The following XKR4 variants were observed in gnomAD, a reference collection of about 807,000 sequenced individuals.
XKR4 encodes XK related 4.
In XKR4, 12 loss-of-function variants were observed where a neutral mutation model predicts 53.9. The observed-to-expected ratio is 0.22, with a 90% CI of 0.14 to 0.36. XKR4 has a LOEUF of 0.36. Ranked by LOEUF, XKR4 falls within the 10% of genes least tolerant of loss-of-function variation. The pLI, the probability that XKR4 is intolerant of heterozygous loss-of-function variation, is 1.00. For synonymous variants in XKR4, 354 were observed against 362.4 expected, an observed-to-expected ratio of 0.98 and a Z score of 0.26; for missense variants, 799 against 859.5, an observed-to-expected ratio of 0.93 and a Z score of 0.88.
chr8:55,229,377 A>C (rs1817999727), intron 1 of XKR4, among the ~76,000 whole-genome samples: 1 of 152,230 alleles, frequency 6.6e-6, no homozygotes, highest in Non-Finnish European at 1.5e-5. Flanking sequence ...CACATCCCTC[A>C]GCTGGCGCTC....
chr8:55,237,426 C>T (rs1818149907), intron 1 of XKR4, among the ~76,000 whole-genome samples: 2 of 152,132 alleles, frequency 1.3e-5, no homozygotes, highest in African/African-American at 2.4e-5. Flanking sequence ...GATAATGTTA[C>T]TAAGAAAATC....
At chr8:55,295,244 AG>A (rs1344621190) in intron 1 of XKR4, among the ~76,000 whole-genome samples, 3 of 152,212 alleles carry the variant, frequency 2.0e-5, no homozygotes, top group Non-Finnish European at 4.4e-5. Flanking sequence ...CTGTGACAGA[AG>A]GTAGTAATGA....
rs534667066 is a variant in XKR4, at chr8:55,350,012, A to C, written c.807-7666A>C. 1.6e-3 allele frequency among the ~76,000 whole-genome samples: 240 copies of C among 151,824 alleles called. 1 individual carries two copies. The highest frequency in any genetic ancestry group is 2.9e-3 in the Non-Finnish European group (194 of 67,882). Reference sequence around the variant, plus strand: ...ATGTCCTAAATTTTATTCTGTGTGTACACACACACACATACACACACACAC... The same window carrying C: ...ATGTCCTAAATTTTATTCTGTGTGTCCACACACACACATACACACACACAC... On this transcript the variant is annotated intron_variant, in intron 1 of 2. Coordinates refer to ENST00000327381, the MANE Select transcript of XKR4 (RefSeq NM_052898.2).
intron 1 of XKR4, among the ~76,000 whole-genome samples, chr8:55,295,764 T>C (rs899636442): frequency 1.2e-4 from 18 of 152,212 alleles, no homozygotes; most frequent in Admixed American, 7.2e-4. Flanking sequence ...ATAAAATTGC[T>C]CAATAGAGCA....
chr8:55,140,530 C>A (rs1816688635), intron 1 of XKR4, among the ~76,000 whole-genome samples: 2 of 152,212 alleles, frequency 1.3e-5, no homozygotes, highest in African/African-American at 4.8e-5. Flanking sequence ...CTTACCAACA[C>A]CATGATGCAG....
chr8:55,385,466 A>G (rs550283841), intron 2 of XKR4, among the ~76,000 whole-genome samples: 2 of 152,330 alleles, frequency 1.3e-5, no homozygotes, highest in Admixed American at 6.5e-5. Context: ...CCGCTAAGCC[A>G]TATGCTTCTG....
intron 1 of XKR4, among the ~76,000 whole-genome samples, chr8:55,279,250 G>A (rs997651362): frequency 1.3e-5 from 2 of 152,144 alleles, no homozygotes; most frequent in Admixed American, 6.5e-5. Flanking sequence ...AGTGTTAACC[G>A]TGAGTGTGTT....
chr8:55,193,237 G>C (rs963246873), intron 1 of XKR4, among the ~76,000 whole-genome samples: 3 of 151,972 alleles, frequency 2.0e-5, no homozygotes, highest in Non-Finnish European at 4.4e-5. Flanking sequence ...CTTCGTGCTT[G>C]CATGAGGATT....
chr8:55,505,574 A>G (rs1179156803), intron 2 of XKR4, among the ~76,000 whole-genome samples: 2 of 152,212 alleles, frequency 1.3e-5, no homozygotes, highest in South Asian at 2.1e-4. Flanking sequence ...TTTTTAAAAA[A>G]TAAAAATAAA....
intron 1 of XKR4, among the ~76,000 whole-genome samples, chr8:55,216,463 C>T (rs1817799844): frequency 6.6e-6 from 1 of 152,168 alleles, no homozygotes; most frequent in South Asian, 2.1e-4. Flanking sequence ...CATGGTGGCT[C>T]ACGCCTGTAA....
chr8:55,329,581 C>A (rs1803353455), intron 1 of XKR4, among the ~76,000 whole-genome samples: 1 of 152,124 alleles, frequency 6.6e-6, no homozygotes, highest in African/African-American at 2.4e-5. Context: ...TCACATTTGA[C>A]ATGTCTTAAC....
intron 1 of XKR4, among the ~76,000 whole-genome samples, chr8:55,192,069 T>C (rs1317859825): frequency 1.3e-5 from 2 of 151,842 alleles, no homozygotes; most frequent in East Asian, 3.9e-4. Context: ...AATTTACAAC[T>C]AATGAATTTA....
At chr8:55,104,533 C>T (rs560333718) in intron 1 of XKR4, among the ~76,000 whole-genome samples, 1 of 152,146 alleles carries the variant, frequency 6.6e-6, no homozygotes. Context: ...GGACTAGAAC[C>T]ACAAACTTCT....
intron 1 of XKR4, among the ~76,000 whole-genome samples, chr8:55,198,995 A>G (rs926490146): frequency 6.6e-6 from 1 of 152,222 alleles, no homozygotes; most frequent in African/African-American, 2.4e-5. Flanking sequence ...CAATTTTTTA[A>G]AAGATTCAGC....
intron 1 of XKR4, among the ~76,000 whole-genome samples, chr8:55,154,231 T>C (rs1704305389): frequency 6.6e-6 from 1 of 152,218 alleles, no homozygotes; most frequent in Admixed American, 6.5e-5. Context: ...GATGCTTTTA[T>C]TGTAATCCTT....
At chr8:55,112,530 C>T (rs142178033) in intron 1 of XKR4, among the ~76,000 whole-genome samples, 1 of 131,404 alleles carries the variant, frequency 7.6e-6, no homozygotes, top group East Asian at 2.5e-4. Context: ...GAATAAAGAT[C>T]TCAGTCTGGG....
chr8:55,506,938 T>G (rs1322332536), intron 2 of XKR4, among the ~76,000 whole-genome samples: 2 of 152,252 alleles, frequency 1.3e-5, no homozygotes, highest in African/African-American at 4.8e-5. Flanking sequence ...TCATTAAATT[T>G]TTTTTTCACT....
chr8:55,511,568 T>G (rs561965093), intron 2 of XKR4, among the ~76,000 whole-genome samples: 1 of 152,316 alleles, frequency 6.6e-6, no homozygotes, highest in African/African-American at 2.4e-5. Flanking sequence ...TGTACACAAT[T>G]CAGGAAAATC....
At chr8:55,409,475 G>T (rs1430996630) in intron 2 of XKR4, among the ~76,000 whole-genome samples, 1 of 152,196 alleles carries the variant, frequency 6.6e-6, no homozygotes, top group African/African-American at 2.4e-5. Flanking sequence ...TTCAGTGGCA[G>T]CTTGTTGTAA....
Sources: gnomAD v4.1 joint callset for allele counts (sites outside exome capture counted in the v4.1 genomes callset) on GRCh38, gnomAD v4.1.1 for gene constraint, MANE v1.5 for transcripts, NCBI Gene and HGNC (gene_info 2026-07-23, HGNC 2026-07-21) for gene names.